Variants in SMIM14 observed in about 807,000 individuals in gnomAD.
The protein encoded by SMIM14 is small integral membrane protein 14.
In SMIM14, 5 loss-of-function variants were observed where a neutral mutation model predicts 12.6. That is an observed-to-expected ratio of 0.40 (90% confidence interval 0.21 to 0.83). SMIM14 has a LOEUF of 0.83. Among genes scored for constraint, SMIM14 ranks in the 40% least tolerant of loss-of-function variants. SMIM14 has a pLI of 0.37. For missense variants in SMIM14, 86 were observed against 119.1 expected (o/e 0.72, Z 1.29); for synonymous variants, 30 against 40.1 (o/e 0.75, Z 0.95).
At chr4:39,560,071 G>A in intron 3 of SMIM14, among the ~76,000 whole-genome samples, 1 of 151,688 alleles carries the variant, frequency 6.6e-6, no homozygotes, top group African/African-American at 2.4e-5. Flanking sequence ...GCAGTGAGCT[G>A]TAATTGCACC....
chr4:39,561,888 G>A (rs893467637), intron 3 of SMIM14, among the ~76,000 whole-genome samples: 4 of 152,024 alleles, frequency 2.6e-5, no homozygotes, highest in Non-Finnish European at 4.4e-5. Context: ...AGCCGAGATC[G>A]TGCCACTGCA....
chr4:39,578,521 T>C (rs1713320481), intron 2 of SMIM14, among the ~76,000 whole-genome samples: 1 of 152,172 alleles, frequency 6.6e-6, no homozygotes, highest in Admixed American at 6.6e-5. Flanking sequence ...ACTTTAAATA[T>C]CTTCTATATT....
At chr4:39,554,057 T>TA (rs1201562487) in intron 4 of SMIM14, among the ~76,000 whole-genome samples, 1 of 152,156 alleles carries the variant, frequency 6.6e-6, no homozygotes, top group Non-Finnish European at 1.5e-5. Flanking sequence ...TTCTCTTATA[T>TA]AAAAAATGAG....
At chr4:39,585,219 C>T (rs186255854) in intron 2 of SMIM14, among the ~76,000 whole-genome samples, 2 of 152,006 alleles carry the variant, frequency 1.3e-5, no homozygotes, top group African/African-American at 4.8e-5. Context: ...TAGAAAGGGA[C>T]ATGTTTACAT....
chr4:39,562,324 T>C (rs1712352265), intron 3 of SMIM14, among the ~76,000 whole-genome samples: 1 of 151,838 alleles, frequency 6.6e-6, no homozygotes, highest in African/African-American at 2.4e-5. Context: ...CTGCAGTGAA[T>C]TGTAATCACA....
At chr4:39,557,464 T>C (rs954746168) in intron 3 of SMIM14, among the ~76,000 whole-genome samples, 17 of 152,110 alleles carry the variant, frequency 1.1e-4, no homozygotes, top group African/African-American at 3.9e-4. Flanking sequence ...TTAAGAACTC[T>C]TTCCATTTTA....
intron 3 of SMIM14, among the ~76,000 whole-genome samples, chr4:39,571,551 T>C (rs1031204556): frequency 5.9e-5 from 9 of 151,780 alleles, no homozygotes; most frequent in Admixed American, 5.3e-4. Flanking sequence ...TTGCGCTCAG[T>C]GTGGGCGACA....
At chr4:39,562,639 C>T (rs1039208061) in intron 3 of SMIM14, among the ~76,000 whole-genome samples, 4 of 152,034 alleles carry the variant, frequency 2.6e-5, no homozygotes, top group African/African-American at 9.7e-5. Flanking sequence ...TAGGCGCATG[C>T]TGCCATGCCC....
chr4:39,577,181 G>T lies in SMIM14; in HGVS notation c.76-4718C>A, dbSNP rs185785611. On this transcript the variant is annotated intron_variant, in intron 2 of 4. Coordinates refer to ENST00000295958, the MANE Select transcript of SMIM14 (RefSeq NM_174921.3). ...TCTCTCCTCCTTCCACCAGGAGGAG[G>T]AGGAGGAGGCTTCCCTTTGATGCTA... 1.4e-4 allele frequency among the ~76,000 whole-genome samples: 22 copies of T among 152,120 alleles called. No individual in the cohort carries two copies. The East Asian group carries it at 4.3e-3, about 30-fold the overall frequency.
At chr4:39,570,598 G>T (rs1250207668) in intron 3 of SMIM14, among the ~76,000 whole-genome samples, 1 of 152,126 alleles carries the variant, frequency 6.6e-6, no homozygotes, top group Non-Finnish European at 1.5e-5. Flanking sequence ...AGCAACCTAA[G>T]GTTCTAGTAA....
At chr4:39,597,530 G>A (rs1352066804) in intron 2 of SMIM14, among the ~76,000 whole-genome samples, 1 of 145,002 alleles carries the variant, frequency 6.9e-6, no homozygotes, top group Admixed American at 7.4e-5. Flanking sequence ...TGCAAGCTCT[G>A]CCTCCGGGGT....
At chr4:39,615,886 T>C (rs145974734) in intron 1 of SMIM14, among the ~76,000 whole-genome samples, 37 of 152,336 alleles carry the variant, frequency 2.4e-4, no homozygotes, top group African/African-American at 5.8e-4. Context: ...TCTATCACTC[T>C]GTCCTAAGGG....
intron 2 of SMIM14, among the ~76,000 whole-genome samples, chr4:39,603,578 T>A (rs1032085779): frequency 1.3e-5 from 2 of 151,192 alleles, no homozygotes; most frequent in Admixed American, 1.3e-4. Context: ...AAATAAAAAA[T>A]AATAATAACA....
At chr4:39,564,746 T>C (rs1712489135) in intron 3 of SMIM14, among the ~76,000 whole-genome samples, 1 of 151,578 alleles carries the variant, frequency 6.6e-6, no homozygotes, top group Non-Finnish European at 1.5e-5. Flanking sequence ...CACTCTGGAG[T>C]GAAAATGTAA....
At chr4:39,565,234 A>C (rs1226980505) in intron 3 of SMIM14, among the ~76,000 whole-genome samples, 1 of 152,154 alleles carries the variant, frequency 6.6e-6, no homozygotes, top group Non-Finnish European at 1.5e-5. Context: ...AGAAAAGAAA[A>C]AGATTAAATC....
chr4:39,548,799 G>C lies in SMIM14; in HGVS notation c.*3327C>G, dbSNP rs1004933912. 2.0e-5 allele frequency: 3 copies of C among 152,142 alleles called. No individual in the cohort carries two copies. Among genetic ancestry groups the C allele is most frequent in the African/African-American group, 7.2e-5 (3 of 41,430 alleles). 9.4% of individuals were successfully genotyped at this position (152,142 alleles called of 1,614,324 possible). On this transcript the variant is annotated 3_prime_UTR_variant, in exon 5 of 5. Coordinates refer to ENST00000295958, the MANE Select transcript of SMIM14 (RefSeq NM_174921.3). ...GACTAAATACTTCATTAAGAACACT[G>C]GTTACTAAGTAAATAGATGGCTCAT...
At chr4:39,557,827 G>A (rs1256462777) in intron 3 of SMIM14, among the ~76,000 whole-genome samples, 1 of 152,166 alleles carries the variant, frequency 6.6e-6, no homozygotes, top group South Asian at 2.1e-4. Context: ...TCATGAAAAA[G>A]AAAGGGGACA....
intron 2 of SMIM14, among the ~76,000 whole-genome samples, chr4:39,580,127 C>T (rs187506244): frequency 6.6e-6 from 1 of 152,228 alleles, no homozygotes; most frequent in Admixed American, 6.5e-5. Flanking sequence ...TGCCAATGAA[C>T]TGACAAACAG....
At chr4:39,630,879 A>G (rs1196715491) in intron 1 of SMIM14, among the ~76,000 whole-genome samples, 3 of 152,086 alleles carry the variant, frequency 2.0e-5, no homozygotes, top group South Asian at 2.1e-4. Context: ...AAAAAAAAAA[A>G]AAAGAAAGAA....
Sources: gnomAD v4.1 joint callset for allele counts (sites outside exome capture counted in the v4.1 genomes callset) on GRCh38, gnomAD v4.1.1 for gene constraint, MANE v1.5 for transcripts, NCBI Gene and HGNC (gene_info 2026-07-23, HGNC 2026-07-21) for gene names.